The following PCDHGA5 variants were observed in gnomAD, a reference collection of about 807,000 sequenced individuals.
The protein encoded by PCDHGA5 is protocadherin gamma subfamily A, 5.
In PCDHGA5, 36 loss-of-function variants were observed where a neutral mutation model predicts 56.7. The ratio of observed to expected loss-of-function variants is 0.64; its 90% CI spans 0.49 to 0.84. PCDHGA5 has a LOEUF of 0.84. PCDHGA5 is among the 40% of genes least tolerant of loss of function. The probability of loss-of-function intolerance (pLI) is 0.00; values close to 1 mark genes in which losing one functional copy is unlikely to be tolerated. For missense variants in PCDHGA5, 1,305 were observed against 1,201.5 expected, an observed-to-expected ratio of 1.09 and a Z score of -1.27; for synonymous variants, 563 against 520.2, an observed-to-expected ratio of 1.08 and a Z score of -1.12.
chr5:141,472,339 A>T (rs1330302365), intron 1 of PCDHGA5, among the ~76,000 whole-genome samples: 1 of 151,906 alleles, frequency 6.6e-6, no homozygotes, highest in Non-Finnish European at 1.5e-5. Flanking sequence ...TGGGAGATCG[A>T]GACCATCCTG....
rs371139792 is a variant in PCDHGA5 at position 141,490,160 on chromosome 5, C to A, written c.2422-4647C>A. On this transcript the variant is annotated intron_variant, in intron 1 of 3. Transcript: ENST00000518069. This position sits in a 1 kb window ranked among gnomAD's most constrained non-coding sequence, Gnocchi z 5.4. The stretch of plus-strand genomic sequence containing the variant: ...AGTGGGGCAATCCATGTGTTGGGTC[C>A]CATAGACTTTGAGGAGTCACGTTTC... The A allele has an allele frequency of 5.6e-6, 9 of 1,614,192 alleles. No homozygotes were observed. The highest frequency in any genetic ancestry group is 7.6e-6 in the Non-Finnish European group (9 of 1,180,016).
chr5:141,378,499 G>A (rs1220046096), intron 1 of PCDHGA5: 1 of 152,084 alleles, frequency 6.6e-6, no homozygotes, highest in Non-Finnish European at 1.5e-5. Context: ...CTCCAGTCTG[G>A]GTGACAGAGC....
intron 1 of PCDHGA5, among the ~76,000 whole-genome samples, chr5:141,438,598 AT>A (rs1433028092): frequency 6.7e-5 from 2 of 29,776 alleles, no homozygotes; most frequent in Non-Finnish European, 1.4e-4. Context: ...ATACATATAT[AT>A]ATATATATAT....
chr5:141,427,220 T>G (rs1487350481), intron 1 of PCDHGA5: 1 of 456,710 alleles, frequency 2.2e-6, no homozygotes, highest in East Asian at 6.9e-5. Flanking sequence ...TTCGTAGCAG[T>G]TATACCATGA....
Position 141,477,931 on chromosome 5 carries a change from G to T in PCDHGA5, c.2422-16876G>T. 6.2e-7 allele frequency: 1 copy of T among 1,614,138 alleles called. No homozygotes were observed. Among genetic ancestry groups the T allele is most frequent in the Non-Finnish European group, 8.5e-7 (1 of 1,180,040 alleles). ...ACGCGGATGCAGGGCACAATGCCTG[G>T]CTCTCCTACAGTCTCTTGGGATCCC... On this transcript the variant is annotated intron_variant, in intron 1 of 3. Coordinates refer to ENST00000518069, the MANE Select transcript of PCDHGA5 (RefSeq NM_018918.3). This position sits in a 1 kb window ranked among gnomAD's most constrained non-coding sequence, Gnocchi z 4.9.
At chr5:141,440,155 A>C (rs1250255277) in intron 1 of PCDHGA5, 1 of 152,238 alleles carries the variant, frequency 6.6e-6, no homozygotes, top group Non-Finnish European at 1.5e-5. Flanking sequence ...CCCCAATTAT[A>C]GCTTGGGCCA....
rs749252261 is a variant in PCDHGA5 at position 141,366,393 on chromosome 5, A to C, written c.2063A>C (p.Asp688Ala). ...ACCCCCATTGACCCTGAGGATCTGG[A>C]CCTCACACTCTATCTTGTGGTGGCA... ...IKTPIDPEDL[D>A]LTLYLVVAVA... The change falls in exon 1 of 4, where the codon GAC (aspartate) becomes GCC (alanine). Residue 688 changes from aspartate (D) to alanine (A), a missense_variant. Transcript: ENST00000518069. 11 of 1,614,004 alleles carry C rather than the reference A, an allele frequency of 6.8e-6. 1 individual carries two copies. Among genetic ancestry groups the C allele is most frequent in the African/African-American group, 4.0e-5 (3 of 74,938 alleles).
At chr5:141,434,035 T>C (rs2154556047) in intron 1 of PCDHGA5, among the ~76,000 whole-genome samples, 1 of 152,316 alleles carries the variant, frequency 6.6e-6, no homozygotes, top group Non-Finnish European at 1.5e-5. Flanking sequence ...AAGCATGGTT[T>C]TCTATTTTAT....
chr5:141,399,506 A>G, intron 1 of PCDHGA5: 1 of 1,613,982 alleles, frequency 6.2e-7, no homozygotes, highest in Non-Finnish European at 8.5e-7. Flanking sequence ...GTACCCGAAA[A>G]CAACCCTCCT....
intron 1 of PCDHGA5, chr5:141,414,488 C>T (rs755499269): frequency 2.5e-6 from 4 of 1,613,914 alleles, no homozygotes; most frequent in African/African-American, 2.7e-5. Flanking sequence ...CCTCTATCAA[C>T]GGAAGCTCAC....
intron 1 of PCDHGA5, chr5:141,394,379 T>G: frequency 6.2e-7 from 1 of 1,614,160 alleles, no homozygotes; most frequent in Non-Finnish European, 8.5e-7. Context: ...CTTTCGACTA[T>G]GAGCAGATCC....
chr5:141,423,138 C>A (rs767107885), intron 1 of PCDHGA5: 3 of 1,613,606 alleles, frequency 1.9e-6, no homozygotes, highest in Non-Finnish European at 2.5e-6. Context: ...TGGACAGAGA[C>A]GCGCTCAAGC....
chr5:141,393,789 G>C lies in PCDHGA5; in HGVS notation c.2421+27038G>C, dbSNP rs889575374. On this transcript the variant is annotated intron_variant, in intron 1 of 3. Transcript: ENST00000518069. ...GGAAATACAAGCCGAAGATGTGGGGGCACTTCTGGGGAGGACCAAATTGCT... is the reference window on the plus strand; with the variant it reads ...GGAAATACAAGCCGAAGATGTGGGGCCACTTCTGGGGAGGACCAAATTGCT... The C allele has an allele frequency of 1.9e-6, 3 of 1,613,840 alleles. No homozygotes were observed. The African/African-American group carries it at 4.0e-5, about 22-fold the overall frequency.
chr5:141,382,218 T>C (rs188591705), intron 1 of PCDHGA5, among the ~76,000 whole-genome samples: 1 of 152,328 alleles, frequency 6.6e-6, no homozygotes, highest in East Asian at 1.9e-4. Flanking sequence ...TAGGTCTATA[T>C]ATTTTACAAC....
chr5:141,425,845 GT>G (rs2096898477), intron 1 of PCDHGA5, among the ~76,000 whole-genome samples: 1 of 152,126 alleles, frequency 6.6e-6, no homozygotes, highest in Non-Finnish European at 1.5e-5. Context: ...TCTTTGCTGG[GT>G]TAATGACTGT....
At chr5:141,410,561 G>A (rs201832666) in intron 1 of PCDHGA5, 1 of 1,612,698 alleles carries the variant, frequency 6.2e-7, no homozygotes, top group Non-Finnish European at 8.5e-7. Flanking sequence ...TTCTCCTGGA[G>A]CCTTAATTCC....
chr5:141,420,065 G>T, intron 1 of PCDHGA5: 1 of 1,614,018 alleles, frequency 6.2e-7, no homozygotes, highest in East Asian at 2.2e-5. Flanking sequence ...CTCCAAGTCC[G>T]GACCTGTGGG....
chr5:141,457,079 C>T (rs114054058), intron 1 of PCDHGA5, among the ~76,000 whole-genome samples: 2,973 of 152,194 alleles, frequency 0.02, 43 homozygotes, highest in African/African-American at 0.029. Flanking sequence ...AACTATTATC[C>T]CTGCTATAAG....
chr5:141,403,100 A>G (rs1295654527), intron 1 of PCDHGA5: 5 of 1,613,992 alleles, frequency 3.1e-6, no homozygotes, highest in Non-Finnish European at 4.2e-6. Flanking sequence ...CAACATCTCC[A>G]AGGACCTGGC....
Sources: allele counts gnomAD v4.1 joint callset (sites outside exome capture counted in the v4.1 genomes callset), GRCh38; gene constraint gnomAD v4.1.1; non-coding constraint Gnocchi (gnomAD v3.1); transcripts MANE v1.5; gene names NCBI Gene and HGNC (gene_info 2026-07-23, HGNC 2026-07-21).